The following CD96 variants were observed in gnomAD, a reference collection of about 807,000 sequenced individuals.
CD96 encodes T-cell surface protein tactile.
Under a neutral mutation model 71.3 loss-of-function variants are expected in CD96, and 70 were observed. The observed-to-expected ratio is 0.98, with a 90% CI of 0.81 to 1.20. CD96 has a LOEUF of 1.20. Among genes scored for constraint, CD96 ranks in the 50% most tolerant of loss-of-function variants. The pLI is 0.00. For synonymous variants in CD96, 248 were observed against 233.0 expected, an observed-to-expected ratio of 1.06 and a Z score of -0.59; for missense variants, 742 against 677.5, an observed-to-expected ratio of 1.10 and a Z score of -1.06.
chr3:111,561,253 G>A (rs1202071352), intron 2 of CD96, among the ~76,000 whole-genome samples: 1 of 149,914 alleles, frequency 6.7e-6, no homozygotes, highest in Admixed American at 6.7e-5. Context: ...TGCTGGTGAG[G>A]AACTGTGTTC....
At chr3:111,543,556 GAAAAT>G (rs1042669956) in intron 1 of CD96, among the ~76,000 whole-genome samples, 7 of 152,022 alleles carry the variant, frequency 4.6e-5, no homozygotes, top group Non-Finnish European at 7.4e-5. Context: ...TATGTGGAAG[GAAAAT>G]AAAATAAAAT....
chr3:111,632,079 G>A (rs983502639), intron 10 of CD96, among the ~76,000 whole-genome samples: 2 of 152,084 alleles, frequency 1.3e-5, no homozygotes, highest in African/African-American at 2.4e-5. Context: ...TCATGATGAA[G>A]ATGCCAAAAG....
rs747719951 is a variant in CD96 at position 111,647,564 on chromosome 3, A to C, written c.1499A>C (p.Lys500Thr). The change falls in exon 13 of 14, where the codon AAA (lysine) becomes ACA (threonine). Residue 500 changes from lysine (K) to threonine (T), a missense_variant. Coordinates refer to ENST00000352690, the MANE Select transcript of CD96 (RefSeq NM_005816.5). Reference sequence around the variant, plus strand: ...TCAGGTATTGTGGTCAATAAGCCCAAAGATGGAATGTCCTGGCCAGTGATT... The same window carrying C: ...TCAGGTATTGTGGTCAATAAGCCCACAGATGGAATGTCCTGGCCAGTGATT... ...HITGIVVNKP[K>T]DGMSWPVIVA... The C allele has an allele frequency of 1.2e-6, 2 of 1,612,454 alleles. No homozygotes were observed. Among genetic ancestry groups the C allele is most frequent in the Non-Finnish European group, 1.7e-6 (2 of 1,178,526 alleles).
At chr3:111,642,013 G>A (rs1298584522) in intron 12 of CD96, among the ~76,000 whole-genome samples, 1 of 152,180 alleles carries the variant, frequency 6.6e-6, no homozygotes, top group Non-Finnish European at 1.5e-5. Flanking sequence ...TAAGAGGAAA[G>A]TTCACAGCCC....
At chr3:111,660,529 A>G (rs1940330121) in intron 14 of CD96, among the ~76,000 whole-genome samples, 1 of 152,270 alleles carries the variant, frequency 6.6e-6, no homozygotes, top group South Asian at 2.1e-4. Context: ...TCTAACATCT[A>G]TATGGAAGCA....
intron 1 of CD96, among the ~76,000 whole-genome samples, chr3:111,543,192 G>T (rs1934197760): frequency 6.6e-6 from 1 of 152,148 alleles, no homozygotes; most frequent in Non-Finnish European, 1.5e-5. Flanking sequence ...TTTCTTCTCA[G>T]TTGCTTGTCA....
At chr3:111,594,115 A>G (rs765515698) in intron 5 of CD96, 25 of 1,613,954 alleles carry the variant, frequency 1.5e-5, no homozygotes, top group Non-Finnish European at 1.9e-5. Context: ...CTCCTGTCTC[A>G]CTAATCTCTT....
Position 111,616,228 on chromosome 3 carries a change from C to G in CD96, c.1181-7526C>G, listed in dbSNP as rs150167630. 3.9e-5 allele frequency among the ~76,000 whole-genome samples: 6 copies of G among 152,182 alleles called. No individual in the cohort carries two copies. In the East Asian group the frequency reaches 1.2e-3, roughly 29 times the overall value. On this transcript the variant is annotated intron_variant, in intron 8 of 13. Coordinates refer to ENST00000352690, the MANE Select transcript of CD96 (RefSeq NM_005816.5). ...TTGTCTACTGATACAGCTGTATCACCTAGAACAATGATAACACATGGTTAC... is the reference window on the plus strand; with the variant it reads ...TTGTCTACTGATACAGCTGTATCACGTAGAACAATGATAACACATGGTTAC...
chr3:111,589,752 G>T (rs1249620047), intron 5 of CD96, among the ~76,000 whole-genome samples: 2 of 152,188 alleles, frequency 1.3e-5, no homozygotes, highest in Non-Finnish European at 2.9e-5. Flanking sequence ...AAGGGGCAGA[G>T]CTGGGATGCA....
rs150804090 is a variant in CD96, at chr3:111,624,404, T to A, written c.1321T>A (p.Ser441Thr). 2.0e-5 allele frequency: 32 copies of A among 1,592,826 alleles called. No homozygotes were observed. The highest frequency in any genetic ancestry group is 2.7e-5 in the Non-Finnish European group (31 of 1,160,598). Residue 441 changes from serine (S) to threonine (T), a missense_variant and splice_region_variant, in exon 10 of 14, where the codon TCA (serine) becomes ACA (threonine). Coordinates refer to ENST00000352690, the MANE Select transcript of CD96 (RefSeq NM_005816.5). The part of the protein sequence containing the change: ...WTSSGTDTKK[S>T]VSRIPSETYS... ...CTCCAGTGGGACAGATACCAAAAAA[T>A]GTTAAGTATAATCGTGGGTCCCTTG... is the stretch of plus-strand genomic sequence containing the variant.
At chr3:111,562,328 T>A (rs960394746) in intron 2 of CD96, among the ~76,000 whole-genome samples, 1 of 152,154 alleles carries the variant, frequency 6.6e-6, no homozygotes, top group African/African-American at 2.4e-5. Context: ...GGGTCACACA[T>A]CCCTGATTCC....
downstream of CD96, among the ~76,000 whole-genome samples, chr3:111,653,544 CA>C (rs1172050319): frequency 6.6e-6 from 1 of 152,252 alleles, no homozygotes; most frequent in African/African-American, 2.4e-5. Flanking sequence ...CTTTAAAAAT[CA>C]TAGAACATTT....
intron 5 of CD96, among the ~76,000 whole-genome samples, chr3:111,587,713 G>A (rs531423227): frequency 1.4e-3 from 213 of 152,332 alleles, no homozygotes; most frequent in Middle Eastern, 6.8e-3. Flanking sequence ...CTTCTGAAAT[G>A]TAGGCAGAGG....
At chr3:111,561,506 C>T (rs1457770639) in intron 2 of CD96, among the ~76,000 whole-genome samples, 4 of 147,638 alleles carry the variant, frequency 2.7e-5, no homozygotes, top group East Asian at 2.0e-4. Context: ...GGGGTGCCTC[C>T]CAGTTAGGCT....
intron 7 of CD96, among the ~76,000 whole-genome samples, chr3:111,602,208 G>C (rs971445039): frequency 6.6e-6 from 1 of 152,218 alleles, no homozygotes; most frequent in Middle Eastern, 3.4e-3. Context: ...GTGAGCTAAA[G>C]GACCCTAAAA....
intron 3 of CD96, among the ~76,000 whole-genome samples, chr3:111,572,395 G>A (rs576342740): frequency 1.3e-5 from 2 of 152,282 alleles, no homozygotes; most frequent in South Asian, 2.1e-4. Context: ...AAACAAACTG[G>A]TGCCACTGGC....
chr3:111,643,732 CT>C (rs1939699028), intron 12 of CD96, among the ~76,000 whole-genome samples: 1 of 75,052 alleles, frequency 1.3e-5, no homozygotes, highest in East Asian at 5.3e-4. Context: ...TTTACAATAG[CT>C]GCAAAAAAAA....
rs575734791 is a variant in CD96 at position 111,598,781 on chromosome 3, C to T, written c.898+571C>T. 7.2e-5 allele frequency among the ~76,000 whole-genome samples: 11 copies of T among 152,242 alleles called. No individual in the cohort carries two copies. The South Asian group carries it at 2.3e-3, about 32-fold the overall frequency. On this transcript the variant is annotated intron_variant, in intron 6 of 13. Coordinates refer to ENST00000352690, the MANE Select transcript of CD96 (RefSeq NM_005816.5). ...GGAGGAACACACATCAAGACAAGCT[C>T]AGGTGAAAATTCACAAAGCCATGAT... is the stretch of plus-strand genomic sequence containing the variant.
At chr3:111,548,864 A>G (rs1167298640) in intron 2 of CD96, among the ~76,000 whole-genome samples, 1 of 152,040 alleles carries the variant, frequency 6.6e-6, no homozygotes, top group Non-Finnish European at 1.5e-5. Flanking sequence ...AAATTCCTGT[A>G]TTTAGTCTTT....
Sources: gnomAD v4.1 joint callset for allele counts (sites outside exome capture counted in the v4.1 genomes callset) on GRCh38, gnomAD v4.1.1 for gene constraint, MANE v1.5 for transcripts, NCBI Gene and HGNC (gene_info 2026-07-23, HGNC 2026-07-21) for gene names.